INPP5A: variants seen among roughly 807,000 people sequenced by gnomAD.
INPP5A encodes the protein 43 kDa inositol polyphosphate 5-phophatase.
INPP5A carries 14 observed loss-of-function variants against 65.2 expected under a neutral mutation model. The observed-to-expected ratio is 0.21, with a 90% CI of 0.14 to 0.34. The LOEUF (loss-of-function observed/expected upper bound fraction) is 0.34, where lower values mean the gene tolerates loss of function less well. Ranked by LOEUF, INPP5A falls within the 10% of genes least tolerant of loss-of-function variation. The pLI is 1.00. For missense variants in INPP5A, 431 were observed against 545.6 expected (o/e 0.79, Z 2.09); for synonymous variants, 207 against 208.3 (o/e 0.99, Z 0.05).
Position 132,704,418 on chromosome 10 carries a change from G to A in INPP5A, c.475-3895G>A, listed in dbSNP as rs1017683865. Among the ~76,000 whole-genome samples, 1 of 152,246 alleles carries A rather than the reference G, an allele frequency of 6.6e-6. No individual in the cohort carries two copies. The highest frequency in any genetic ancestry group is 1.5e-5 in the Non-Finnish European group (1 of 68,046). On this transcript the variant is annotated intron_variant, in intron 6 of 15. Transcript: ENST00000368594. The surrounding 1 kb of genome is among the most constrained non-coding windows in gnomAD (Gnocchi z 4.5). ...CATAGGTGCAGTTCTTAACCTGTGA[G>A]CCTCAGTTTCCCTTTCTGGTCGGCC...
In INPP5A at chr10:132,697,021, C is replaced by T. The variant is rs1845355394; in HGVS notation, c.371-795C>T. Among the ~76,000 whole-genome samples, 1 of 152,230 alleles carries T rather than the reference C, an allele frequency of 6.6e-6. No homozygotes were observed. The highest frequency in any genetic ancestry group is 1.5e-5 in the Non-Finnish European group (1 of 68,038). On this transcript the variant is annotated intron_variant, in intron 5 of 15. Coordinates refer to ENST00000368594, the MANE Select transcript of INPP5A (RefSeq NM_005539.5). The surrounding 1 kb of genome is among the most constrained non-coding windows in gnomAD (Gnocchi z 5.6). ...GCAGGTTGGAGCTGCTTGTGGGACA[C>T]AACACACTGCTCCAAAGCGGTCTCC...
intron 4 of INPP5A, among the ~76,000 whole-genome samples, chr10:132,655,118 G>A (rs2072636543): frequency 6.6e-6 from 1 of 152,226 alleles, no homozygotes; most frequent in African/African-American, 2.4e-5. Context: ...GCTGAGCCCC[G>A]AGCTCTGCGC....
At chr10:132,592,061 G>A (rs1293038537) in intron 1 of INPP5A, among the ~76,000 whole-genome samples, 1 of 152,186 alleles carries the variant, frequency 6.6e-6, no homozygotes, top group African/African-American at 2.4e-5. Flanking sequence ...AAAAGACAAA[G>A]CGTTTCACTT....
At chr10:132,673,269 C>T (rs1466658897) in intron 4 of INPP5A, among the ~76,000 whole-genome samples, 3 of 152,188 alleles carry the variant, frequency 2.0e-5, no homozygotes, top group Admixed American at 6.5e-5. Context: ...GAACTAATAA[C>T]GCTAGGCCAG....
At chr10:132,765,655 G>A in intron 11 of INPP5A, 118 bp from the exon 12 acceptor site, 1 of 690,324 alleles carries the variant, frequency 1.4e-6, no homozygotes. Flanking sequence ...AGATGTGGCG[G>A]CTCTGGGAAG....
At chr10:132,570,557 C>T (rs1195276449) in intron 1 of INPP5A, among the ~76,000 whole-genome samples, 2 of 152,192 alleles carry the variant, frequency 1.3e-5, no homozygotes, top group Admixed American at 6.5e-5. Context: ...CTGGTGCTGA[C>T]CACACACAGA....
At chr10:132,596,041 T>C (rs1303947354) in intron 1 of INPP5A, among the ~76,000 whole-genome samples, 1 of 152,218 alleles carries the variant, frequency 6.6e-6, no homozygotes, top group African/African-American at 2.4e-5. Flanking sequence ...GCTTGGCCTG[T>C]GGGCTGAAAT....
intron 1 of INPP5A, among the ~76,000 whole-genome samples, chr10:132,579,414 G>A (rs950219837): frequency 7.9e-5 from 12 of 152,104 alleles, no homozygotes; most frequent in African/African-American, 2.4e-4. Flanking sequence ...CAGCTGCACC[G>A]GTGGCTCTGG....
intron 1 of INPP5A, among the ~76,000 whole-genome samples, chr10:132,579,472 G>A (rs1363765943): frequency 1.3e-5 from 2 of 152,164 alleles, no homozygotes; most frequent in Admixed American, 6.5e-5. Context: ...AAGGGGCAGA[G>A]AGGGGGCCGG....
At position 132,719,558 on chromosome 10, in the gene INPP5A, CTGGGTGCCTTAGA is replaced by C. The variant is rs1168966332; in HGVS notation, c.648-7262_648-7250del. On this transcript the variant is annotated intron_variant, in intron 8 of 15. Transcript: ENST00000368594. ...GGGTTCTGTGGTGCCTGGGTTCTGT[CTGGGTGCCTTAGA>C]CGGCTGTCTTGCGGGTTCTGTGGTG... Among the ~76,000 whole-genome samples the C allele has an allele frequency of 2.0e-4, 29 of 147,952 alleles. 2 individuals are homozygous for C. Among genetic ancestry groups the C allele is most frequent in the African/African-American group, 6.2e-4 (24 of 38,648 alleles).
chr10:132,763,689 G>A (rs1846776227), intron 11 of INPP5A, among the ~76,000 whole-genome samples: 2 of 148,380 alleles, frequency 1.3e-5, no homozygotes, highest in Non-Finnish European at 3.0e-5. Context: ...GTGCCTGCAT[G>A]CAAACACACA....
intron 4 of INPP5A, among the ~76,000 whole-genome samples, chr10:132,656,441 G>GC (rs766136113): frequency 5.4e-4 from 82 of 152,338 alleles, no homozygotes; most frequent in Non-Finnish European, 9.4e-4. Context: ...GGACACCCCT[G>GC]CCCCCGCCAG....
chr10:132,764,946 A>C (rs1305891228), intron 11 of INPP5A, among the ~76,000 whole-genome samples: 1 of 124,376 alleles, frequency 8.0e-6, no homozygotes, highest in Admixed American at 8.4e-5. Context: ...GCGTGGTGAC[A>C]CTCAGGAACA....
intron 3 of INPP5A, among the ~76,000 whole-genome samples, chr10:132,648,239 C>T (rs1443821835): frequency 2.6e-5 from 4 of 152,258 alleles, no homozygotes; most frequent in South Asian, 2.1e-4. Context: ...TCACAGCAGG[C>T]GGGGACACCG....
intron 6 of INPP5A, among the ~76,000 whole-genome samples, chr10:132,701,430 C>T (rs376363224): frequency 1.3e-5 from 2 of 152,354 alleles, no homozygotes; most frequent in Non-Finnish European, 2.9e-5. Context: ...AGAAAGTTCC[C>T]GCACACAGCC....
intron 2 of INPP5A, among the ~76,000 whole-genome samples, chr10:132,635,740 G>C (rs1017420690): frequency 2.6e-5 from 4 of 151,726 alleles, no homozygotes; most frequent in African/African-American, 9.7e-5. Flanking sequence ...TGAGGTGGGA[G>C]GGTTGCTTGA....
At chr10:132,768,957 T>A (rs1248260801) in intron 12 of INPP5A, among the ~76,000 whole-genome samples, 1 of 152,182 alleles carries the variant, frequency 6.6e-6, no homozygotes, top group East Asian at 1.9e-4. Context: ...GGCAGGACCC[T>A]CCCGCGGGCA....
rs1188204714 is a variant in INPP5A, at chr10:132,727,500, A to T, written c.732+595A>T. ...CCAGCAGCTTGGGCGCCGAGGTGCC[A>T]CCGACAGGAAGTGGGCCTCTAGGCT... On this transcript the variant is annotated intron_variant, in intron 9 of 15. Transcript: ENST00000368594. The surrounding 1 kb of genome is among the most constrained non-coding windows in gnomAD (Gnocchi z 6.5). 2.6e-5 allele frequency among the ~76,000 whole-genome samples: 4 copies of T among 151,216 alleles called. No homozygotes were observed. The highest frequency in any genetic ancestry group is 2.6e-4 in the Admixed American group (4 of 15,166).
rs2071028920 is a variant in INPP5A at position 132,549,918 on chromosome 10, G to A, written c.75+11747G>A. The stretch of plus-strand genomic sequence containing the variant: ...GGGTCAGCCTCGAGTTACTAACCGG[G>A]CATTAGGGGATGGGGTCAGCCTCGA... On this transcript the variant is annotated intron_variant, in intron 1 of 15. Transcript: ENST00000368594. The surrounding 1 kb of genome is among the most constrained non-coding windows in gnomAD (Gnocchi z 4.9). Among the ~76,000 whole-genome samples, 3 of 149,966 alleles carry A rather than the reference G, an allele frequency of 2.0e-5. 1 individual carries two copies. In the South Asian group the frequency reaches 6.5e-4, roughly 32 times the overall value.
Sources: allele counts gnomAD v4.1 joint callset (sites outside exome capture counted in the v4.1 genomes callset), GRCh38; gene constraint gnomAD v4.1.1; non-coding constraint Gnocchi (gnomAD v3.1); transcripts MANE v1.5; gene names NCBI Gene and HGNC (gene_info 2026-07-23, HGNC 2026-07-21).